Variants in CHIC2 observed in about 807,000 individuals in gnomAD.
CHIC2 encodes cysteine-rich hydrophobic domain-containing protein 2.
Under a neutral mutation model 25.9 loss-of-function variants are expected in CHIC2, and 14 were observed. The ratio of observed to expected loss-of-function variants is 0.54; its 90% CI spans 0.36 to 0.85. The LOEUF is 0.85. Ranked by LOEUF, CHIC2 falls within the 40% of genes least tolerant of loss-of-function variation. The probability of loss-of-function intolerance (pLI) is 0.01; values close to 1 mark genes in which losing one functional copy is unlikely to be tolerated. For missense variants in CHIC2, 146 were observed against 202.0 expected (o/e 0.72, Z 1.68); for synonymous variants, 70 against 72.0 (o/e 0.97, Z 0.14).
chr4:54,072,469 A>G, the CHIC2 span, among the ~76,000 whole-genome samples: 1 of 152,180 alleles, frequency 6.6e-6, no homozygotes, highest in Non-Finnish European at 1.5e-5. Flanking sequence ...TCTGGCCCAC[A>G]CTGGCCTTCA....
intron 3 of CHIC2, among the ~76,000 whole-genome samples, chr4:54,025,368 A>G (rs1452315829): frequency 6.6e-6 from 1 of 151,202 alleles, no homozygotes; most frequent in Non-Finnish European, 1.5e-5. Flanking sequence ...ACCCCCGCCC[A>G]CAAAACATTG....
At chr4:54,080,158 A>G in the CHIC2 span, among the ~76,000 whole-genome samples, 24 of 140,192 alleles carry the variant, frequency 1.7e-4, no homozygotes, top group Admixed American at 4.3e-4. Flanking sequence ...GTGTATATGT[A>G]TGTGTATATA....
intron 1 of CHIC2, among the ~76,000 whole-genome samples, chr4:54,051,859 CTAA>C (rs1318671325): frequency 6.6e-6 from 1 of 152,134 alleles, no homozygotes; most frequent in Non-Finnish European, 1.5e-5. Context: ...CCTTCCTCAA[CTAA>C]TGTTTTGAAA....
At chr4:54,058,208 T>C (rs960739106) in intron 1 of CHIC2, among the ~76,000 whole-genome samples, 1 of 152,124 alleles carries the variant, frequency 6.6e-6, no homozygotes, top group Admixed American at 6.6e-5. Flanking sequence ...GCATGCAGGG[T>C]TAAACATCAA....
At chr4:54,069,789 G>C in the CHIC2 span, among the ~76,000 whole-genome samples, 1 of 152,166 alleles carries the variant, frequency 6.6e-6, no homozygotes, top group Non-Finnish European at 1.5e-5. Context: ...ACTTGAGAAA[G>C]CATATAAACC....
intron 3 of CHIC2, among the ~76,000 whole-genome samples, chr4:54,035,687 A>T (rs1197574110): frequency 6.6e-6 from 1 of 151,720 alleles, no homozygotes; most frequent in African/African-American, 2.4e-5. Flanking sequence ...ATTTCTATTG[A>T]TTTTATGCTT....
At chr4:54,083,606 A>G in the CHIC2 span, among the ~76,000 whole-genome samples, 1 of 152,070 alleles carries the variant, frequency 6.6e-6, no homozygotes, top group African/African-American at 2.4e-5. Flanking sequence ...TGTCCTATCT[A>G]ATTAGTAACC....
chr4:54,069,753 T>A, the CHIC2 span, among the ~76,000 whole-genome samples: 2 of 152,214 alleles, frequency 1.3e-5, no homozygotes, highest in African/African-American at 2.4e-5. Flanking sequence ...AAATATGTAT[T>A]TCCTGATATC....
At chr4:54,070,210 A>G in the CHIC2 span, among the ~76,000 whole-genome samples, 1 of 152,158 alleles carries the variant, frequency 6.6e-6, no homozygotes, top group South Asian at 2.1e-4. Context: ...GAGGTAAAAA[A>G]CAAAGCCAGT....
intron 3 of CHIC2, among the ~76,000 whole-genome samples, chr4:54,029,198 T>C (rs1421298968): frequency 5.3e-5 from 8 of 152,110 alleles, no homozygotes. Context: ...AAGAAAGATG[T>C]TTCTGATTTA....
chr4:54,026,181 G>T (rs188408522), intron 3 of CHIC2, among the ~76,000 whole-genome samples: 11 of 152,250 alleles, frequency 7.2e-5, no homozygotes, highest in Non-Finnish European at 1.3e-4. Context: ...TCAATTTCCT[G>T]TTCTTTTCAT....
Position 54,064,390 on chromosome 4 carries a change from A to AT in CHIC2, c.-91_-90insA, listed in dbSNP as rs1294776332. The AT allele has an allele frequency of 1.6e-5, 25 of 1,557,532 alleles. No individual in the cohort carries two copies. Among genetic ancestry groups the AT allele is most frequent in the Non-Finnish European group, 2.2e-5 (25 of 1,154,952 alleles). On this transcript the variant is annotated 5_prime_UTR_variant, in exon 1 of 6. Transcript: ENST00000263921. This position sits in a 1 kb window ranked among gnomAD's most constrained non-coding sequence, Gnocchi z 4.2. ...GGGCGAGGCGGCGGAGGCTGAGGGG[A>AT]GTCGCCGCTGCCGCCGGCTCCGAGG... is the stretch of plus-strand genomic sequence containing the variant.
intron 3 of CHIC2, among the ~76,000 whole-genome samples, chr4:54,046,376 C>T (rs1324831067): frequency 6.6e-6 from 1 of 152,118 alleles, no homozygotes. Context: ...AAGCTGGAGG[C>T]ATCACGCTAC....
chr4:54,082,864 A>C, the CHIC2 span, among the ~76,000 whole-genome samples: 1 of 152,148 alleles, frequency 6.6e-6, no homozygotes, highest in Non-Finnish European at 1.5e-5. Context: ...TAAGTACTAC[A>C]CCAAAACAAT....
intron 3 of CHIC2, among the ~76,000 whole-genome samples, chr4:54,036,519 AGAGAAC>A (rs1716389326): frequency 2.0e-5 from 3 of 152,266 alleles, no homozygotes; most frequent in Admixed American, 1.3e-4. Flanking sequence ...CCGGATCTTG[AGAGAAC>A]TCAGCACCAA....
intron 3 of CHIC2, among the ~76,000 whole-genome samples, chr4:54,043,410 G>A (rs1046655006): frequency 5.4e-4 from 72 of 132,294 alleles, no homozygotes; most frequent in African/African-American, 2.1e-3. Context: ...AACAGAGTGA[G>A]ACTCCATTTC....
At chr4:54,070,694 G>A in the CHIC2 span, among the ~76,000 whole-genome samples, 25 of 152,046 alleles carry the variant, frequency 1.6e-4, no homozygotes, top group African/African-American at 5.8e-4. Flanking sequence ...AAGTGCTGAG[G>A]TTACAGGAGT....
At chr4:54,021,963 C>T (rs1045724194) in intron 3 of CHIC2, among the ~76,000 whole-genome samples, 40 of 152,150 alleles carry the variant, frequency 2.6e-4, no homozygotes, top group South Asian at 4.1e-4. Context: ...AGTTCCAGTT[C>T]CTTGCCTCCA....
At chr4:54,065,743 C>T (rs1308164657), upstream of CHIC2, among the ~76,000 whole-genome samples, 1 of 152,154 alleles carries the variant, frequency 6.6e-6, no homozygotes, top group Non-Finnish European at 1.5e-5. Context: ...TGGTCAGGCT[C>T]TTCAAGTGCA....
Sources: gnomAD v4.1 joint callset for allele counts (sites outside exome capture counted in the v4.1 genomes callset) on GRCh38, gnomAD v4.1.1 for gene constraint, Gnocchi (gnomAD v3.1) non-coding constraint, MANE v1.5 for transcripts, NCBI Gene and HGNC (gene_info 2026-07-23, HGNC 2026-07-21) for gene names.